Variants in DHRSX observed in about 807,000 individuals in gnomAD.
DHRSX encodes polyprenol dehydrogenase.
In DHRSX, 31 loss-of-function variants were observed where a neutral mutation model predicts 34.0. That is an observed-to-expected ratio of 0.91 (90% CI 0.69 to 1.23). The LOEUF (loss-of-function observed/expected upper bound fraction) is 1.23, where lower values mean the gene tolerates loss of function less well. Among genes scored for constraint, DHRSX ranks in the 50% most tolerant of loss-of-function variants. The probability of loss-of-function intolerance (pLI) is 0.00; values close to 1 mark genes in which losing one functional copy is unlikely to be tolerated. For missense variants in DHRSX, 414 were observed against 428.1 expected (o/e 0.97, Z 0.29); for synonymous variants, 201 against 183.8 (o/e 1.09, Z -0.76).
At chrX:2,433,530 T>C (rs978791138) in intron 1 of DHRSX, among the ~76,000 whole-genome samples, 6 of 152,078 alleles carry the variant, frequency 3.9e-5, no homozygotes, top group African/African-American at 1.4e-4. Flanking sequence ...CATTAGGTAT[T>C]TGTCCTAATG....
At chrX:2,310,510 C>T (rs888330073) in intron 3 of DHRSX, among the ~76,000 whole-genome samples, 7 of 151,144 alleles carry the variant, frequency 4.6e-5, no homozygotes, top group Non-Finnish European at 8.8e-5. Context: ...CTGTGAAAGA[C>T]GCTGCAGCGA....
chrX:2,360,812 T>C (rs1308376449), intron 3 of DHRSX, among the ~76,000 whole-genome samples: 2 of 152,008 alleles, frequency 1.3e-5, no homozygotes, highest in Admixed American at 6.6e-5. Context: ...TTCCTCTTCC[T>C]GGAATGGCAA....
intron 1 of DHRSX, among the ~76,000 whole-genome samples, chrX:2,458,293 G>C (rs1313550591): frequency 2.0e-5 from 3 of 152,104 alleles, no homozygotes; most frequent in Admixed American, 6.6e-5. Flanking sequence ...AAACATCAGA[G>C]CAAAGAATGT....
intron 3 of DHRSX, among the ~76,000 whole-genome samples, chrX:2,328,210 A>G (rs955436612): frequency 4.6e-5 from 7 of 152,014 alleles, no homozygotes; most frequent in African/African-American, 1.7e-4. Context: ...CTACACCTTG[A>G]TCTTGGACTT....
At chrX:2,455,139 T>A (rs896694354) in intron 1 of DHRSX, among the ~76,000 whole-genome samples, 2 of 149,796 alleles carry the variant, frequency 1.3e-5, no homozygotes, top group Non-Finnish European at 3.0e-5. Flanking sequence ...GATGATGTCC[T>A]TTGCAGGAAC....
intron 1 of DHRSX, among the ~76,000 whole-genome samples, chrX:2,459,500 ACAT>A (rs1057072317): frequency 4.7e-5 from 7 of 150,290 alleles, no homozygotes; most frequent in South Asian, 2.1e-4. Context: ...TTGGATTAAA[ACAT>A]CATATTGTAC....
intron 3 of DHRSX, among the ~76,000 whole-genome samples, chrX:2,314,013 A>C (rs1311108427): frequency 6.6e-6 from 1 of 151,810 alleles, no homozygotes; most frequent in Admixed American, 6.6e-5. Flanking sequence ...GTGGAGATAA[A>C]GGATTGTGGG....
chrX:2,425,140 C>CGG lies in DHRSX; in HGVS notation c.217+56_217+57insCC. The CGG allele has an allele frequency of 5.9e-6, 6 of 1,011,196 alleles. No individual in the cohort carries two copies. The South Asian group carries it at 6.0e-5, about 10-fold the overall frequency. The allele number at this position is 1,011,196 out of a possible 1,614,324, so 62.6% of individuals were successfully genotyped here. On this transcript the variant is annotated intron_variant, in intron 2 of 6. Coordinates refer to ENST00000334651, the MANE Select transcript of DHRSX (RefSeq NM_145177.3). ...GGGTTGACGGACTGCGATCCTGTCTCAGAAAAAAAAAAAAACCGAAAAAAC... is the reference window on the plus strand; with the variant it reads ...GGGTTGACGGACTGCGATCCTGTCTCGGAGAAAAAAAAAAAAACCGAAAAAAC...
intron 3 of DHRSX, among the ~76,000 whole-genome samples, chrX:2,357,824 G>A (rs1240031509): frequency 6.6e-6 from 1 of 152,046 alleles, no homozygotes. Context: ...GGAAAGACAG[G>A]CACTGTGTGT....
At chrX:2,349,698 T>G (rs764308886) in intron 3 of DHRSX, among the ~76,000 whole-genome samples, 9 of 140,872 alleles carry the variant, frequency 6.4e-5, no homozygotes, top group Non-Finnish European at 1.2e-4. Context: ...AAGAAAGAAA[T>G]AAAGAAAATG....
intron 3 of DHRSX, among the ~76,000 whole-genome samples, chrX:2,349,145 C>G: frequency 6.6e-6 from 1 of 152,068 alleles, no homozygotes; most frequent in African/African-American, 2.4e-5. Flanking sequence ...AGCAAGCATG[C>G]TTCTAGGTAT....
At chrX:2,237,573 T>G (rs2016044663) in intron 6 of DHRSX, among the ~76,000 whole-genome samples, 1 of 151,870 alleles carries the variant, frequency 6.6e-6, no homozygotes. Flanking sequence ...TGGCATGATC[T>G]GGGCTCACCA....
At chrX:2,371,505 C>CT (rs2043066937) in intron 3 of DHRSX, among the ~76,000 whole-genome samples, 6 of 149,794 alleles carry the variant, frequency 4.0e-5, no homozygotes, top group Admixed American at 2.7e-4. Flanking sequence ...GTAGACCCTC[C>CT]CCGTTACCAC....
chrX:2,488,562 C>G (rs981898139), intron 1 of DHRSX: 12 of 1,501,708 alleles, frequency 8.0e-6, no homozygotes, highest in Non-Finnish European at 1.1e-5. Context: ...ACCAAGCTGA[C>G]CGGGTAAGTA....
chrX:2,489,226 C>T (rs1462995086), intron 1 of DHRSX: 1 of 1,613,880 alleles, frequency 6.2e-7, no homozygotes, highest in Non-Finnish European at 8.5e-7. Flanking sequence ...TGGCCTCTTC[C>T]ACCACGCGAT....
chrX:2,249,513 C>CTTTTTTTTTTTTTT (rs753035485), intron 5 of DHRSX, among the ~76,000 whole-genome samples: 6 of 70,166 alleles, frequency 8.6e-5, no homozygotes, highest in African/African-American at 2.4e-4. Context: ...CTTTTTGTGC[C>CTTTTTTTTTTTTTT]TTTTTTTTTT....
chrX:2,332,939 C>T (rs1221897731), intron 3 of DHRSX, among the ~76,000 whole-genome samples: 3 of 152,070 alleles, frequency 2.0e-5, no homozygotes, highest in Non-Finnish European at 4.4e-5. Context: ...AGACTATGGG[C>T]GTGAGGTAAC....
intron 3 of DHRSX, among the ~76,000 whole-genome samples, chrX:2,333,539 C>A (rs1359063411): frequency 1.3e-5 from 2 of 152,118 alleles, no homozygotes; most frequent in African/African-American, 4.8e-5. Context: ...CTCAGCCTCC[C>A]GAGTAGCTGG....
At chrX:2,302,029 C>T (rs1338690318) in intron 3 of DHRSX, among the ~76,000 whole-genome samples, 3 of 152,074 alleles carry the variant, frequency 2.0e-5, no homozygotes, top group Admixed American at 6.6e-5. Flanking sequence ...CAAGAACTGG[C>T]GCTTCCTGCA....
Sources: gnomAD v4.1 joint callset for allele counts (sites outside exome capture counted in the v4.1 genomes callset) on GRCh38, gnomAD v4.1.1 for gene constraint, MANE v1.5 for transcripts, NCBI Gene and HGNC (gene_info 2026-07-23, HGNC 2026-07-21) for gene names.